GNL3L: variants seen among roughly 807,000 people sequenced by gnomAD.
GNL3L encodes G protein nucleolar 3 like.
In GNL3L, 4 loss-of-function variants were observed where a neutral mutation model predicts 42.9. That is an observed-to-expected ratio of 0.09 (90% confidence interval 0.05 to 0.21). GNL3L has a LOEUF of 0.21. Among genes scored for constraint, GNL3L ranks in the 10% least tolerant of loss-of-function variants. The pLI, the probability that GNL3L is intolerant of heterozygous loss-of-function variation, is 1.00. For missense variants in GNL3L, 412 were observed against 481.7 expected, an observed-to-expected ratio of 0.86 and a Z score of 1.36; for synonymous variants, 159 against 176.3, an observed-to-expected ratio of 0.90 and a Z score of 0.78.
chrX:54,601,134 G>T (rs1402302048), intron 16 of GNL3L, among the ~76,000 whole-genome samples: 2 of 110,934 alleles, frequency 1.8e-5, no homozygotes, highest in Non-Finnish European at 3.8e-5. Context: ...CATATGAAAT[G>T]CCCAGAATAG....
At chrX:54,587,636 A>G (rs781331392) in intron 16 of GNL3L, among the ~76,000 whole-genome samples, 20 of 109,698 alleles carry the variant, frequency 1.8e-4, no homozygotes, top group Non-Finnish European at 9.5e-5. Context: ...TTAGATTTAC[A>G]TCTGAGTGTC....
Position 54,560,844 on chromosome X carries a change from C to CA in GNL3L, c.*243dup, listed in dbSNP as rs1451945573. On this transcript the variant is annotated 3_prime_UTR_variant, in exon 16 of 16. Transcript: ENST00000360845. ...TCACCTGAGGTCAGGAGTTCGAGAC[C>CA]AGCCTGGCCAACATGGTGAAACCCC... The CA allele has an allele frequency of 4.2e-6, 1 of 236,902 alleles. No individual in the cohort carries two copies. The highest frequency in any genetic ancestry group is 7.7e-6 in the Non-Finnish European group (1 of 130,518). 19.5% of individuals were successfully genotyped at this position (236,902 alleles called of 1,213,427 possible). A position where few individuals can be genotyped will look rare whatever the true frequency, so the allele number is the denominator to read the frequency against.
intron 16 of GNL3L, among the ~76,000 whole-genome samples, chrX:54,590,817 T>TATTTATTTATTC (rs1925862005): frequency 9.1e-6 from 1 of 110,352 alleles, no homozygotes. Context: ...TTTATTTATT[T>TATTTATTTATTC]ATTCATTCAT....
chrX:54,580,347 C>T (rs1476498405), intron 16 of GNL3L, among the ~76,000 whole-genome samples: 2 of 109,739 alleles, frequency 1.8e-5, no homozygotes, highest in Non-Finnish European at 3.8e-5. Context: ...TTTATGGCTG[C>T]ATAGTATTCC....
intron 16 of GNL3L, among the ~76,000 whole-genome samples, chrX:54,585,754 CTG>C (rs1371272599): frequency 9.0e-6 from 1 of 111,289 alleles, no homozygotes; most frequent in Admixed American, 9.6e-5. Context: ...TATCTCTAAT[CTG>C]TGTTATTTTC....
Position 54,550,732 on chromosome X carries a change from G to A in GNL3L, c.776-231G>A, listed in dbSNP as rs185459196. 4.5e-5 allele frequency among the ~76,000 whole-genome samples: 5 copies of A among 111,703 alleles called. No individual in the cohort carries two copies. The East Asian group carries it at 1.1e-3, about 25-fold the overall frequency. On this transcript the variant is annotated intron_variant, in intron 9 of 15. Coordinates refer to ENST00000360845, the MANE Select transcript of GNL3L (RefSeq NM_001184819.2). ...ATTGTGAGTGGGAGGTTGGTGTCACGTCTAGAAAGAGGGACATACCTATCT... is the reference window on the plus strand; with the variant it reads ...ATTGTGAGTGGGAGGTTGGTGTCACATCTAGAAAGAGGGACATACCTATCT...
chrX:54,535,333 G>C lies in GNL3L; in HGVS notation c.19+2748G>C, dbSNP rs183946440. Among the ~76,000 whole-genome samples the C allele has an allele frequency of 4.5e-3, 504 of 110,986 alleles. 4 individuals are homozygous for C. The highest frequency in any genetic ancestry group is 0.015 in the African/African-American group (473 of 30,542). On this transcript the variant is annotated intron_variant, in intron 2 of 15. Transcript: ENST00000360845. ...AGGGTTTCACCATGTTGGCCAGGCT[G>C]GTCTCGAACTCCTGACCTAGTGATC...
At chrX:54,615,081 C>A (rs1241106406) in intron 16 of GNL3L, among the ~76,000 whole-genome samples, 3 of 112,324 alleles carry the variant, frequency 2.7e-5, no homozygotes, top group African/African-American at 9.7e-5. Flanking sequence ...CCATTTCTCA[C>A]TTCCACAGCA....
At chrX:54,571,341 C>T (rs766304360), downstream of GNL3L, among the ~76,000 whole-genome samples, 3 of 108,033 alleles carry the variant, frequency 2.8e-5, no homozygotes, top group African/African-American at 1.0e-4. Context: ...CTACAGGCAC[C>T]GGCCACCACG....
chrX:54,554,445 A>G, intron 13 of GNL3L, 120 bp from the exon 14 acceptor site: 1 of 650,115 alleles, frequency 1.5e-6, no homozygotes. Flanking sequence ...CAGGAGTGAA[A>G]AAGTTCCTGC....
At chrX:54,538,314 A>G (rs185994831) in intron 2 of GNL3L, among the ~76,000 whole-genome samples, 7 of 111,681 alleles carry the variant, frequency 6.3e-5, no homozygotes, top group Non-Finnish European at 7.5e-5. Flanking sequence ...CTCATATAAT[A>G]TATTTGTTTG....
intron 14 of GNL3L, among the ~76,000 whole-genome samples, chrX:54,555,953 C>T (rs1468293542): frequency 9.1e-6 from 1 of 110,348 alleles, no homozygotes; most frequent in Admixed American, 9.7e-5. Context: ...TCTTCTTCTG[C>T]CAGTCCATCC....
At chrX:54,619,234 C>T (rs759144551) in intron 16 of GNL3L, among the ~76,000 whole-genome samples, 3 of 110,466 alleles carry the variant, frequency 2.7e-5, no homozygotes, top group African/African-American at 9.9e-5. Context: ...GAAATATCAA[C>T]AATGAAATTA....
At chrX:54,590,256 G>A (rs1262353086) in intron 16 of GNL3L, among the ~76,000 whole-genome samples, 1 of 112,163 alleles carries the variant, frequency 8.9e-6, no homozygotes, top group Non-Finnish European at 1.9e-5. Flanking sequence ...ATTTTAAATA[G>A]GGTGAGATGA....
At chrX:54,555,020 T>A (rs1041190406) in intron 14 of GNL3L, among the ~76,000 whole-genome samples, 3 of 110,454 alleles carry the variant, frequency 2.7e-5, no homozygotes, top group East Asian at 2.8e-4. Context: ...TTTATTTTTT[T>A]ATTTTTTTTT....
intron 16 of GNL3L, among the ~76,000 whole-genome samples, chrX:54,591,404 C>T (rs193282794): frequency 1.3e-3 from 147 of 109,162 alleles, no homozygotes; most frequent in African/African-American, 4.5e-3. Flanking sequence ...ACCAGCTTGG[C>T]CAACATGACA....
chrX:54,630,799 T>C, the GNL3L span, among the ~76,000 whole-genome samples: 2 of 100,286 alleles, frequency 2.0e-5, no homozygotes, highest in African/African-American at 7.4e-5. Context: ...TTTCTTTCTT[T>C]TCTCTCTCTC....
chrX:54,627,211 G>A, the GNL3L span, among the ~76,000 whole-genome samples: 1 of 111,244 alleles, frequency 9.0e-6, no homozygotes, highest in African/African-American at 3.3e-5. Flanking sequence ...GTTTCACCAT[G>A]TTGGCCAGGC....
At chrX:54,621,540 A>T (rs957449295), downstream of GNL3L, among the ~76,000 whole-genome samples, 8 of 112,290 alleles carry the variant, frequency 7.1e-5, no homozygotes, top group African/African-American at 2.6e-4. Context: ...TGTGAGAAAA[A>T]TAAAATGATT....
Sources: gnomAD v4.1 joint callset for allele counts (sites outside exome capture counted in the v4.1 genomes callset) on GRCh38, gnomAD v4.1.1 for gene constraint, MANE v1.5 for transcripts, NCBI Gene and HGNC (gene_info 2026-07-23, HGNC 2026-07-21) for gene names.